Variants in MGMT observed in about 807,000 individuals in gnomAD.
MGMT encodes methylated-DNA--protein-cysteine methyltransferase.
Under a neutral mutation model 15.9 loss-of-function variants are expected in MGMT, and 14 were observed. That is an observed-to-expected ratio of 0.88 (90% CI 0.58 to 1.37). MGMT has a LOEUF of 1.37. Among genes scored for constraint, MGMT ranks in the 40% most tolerant of loss-of-function variants. The pLI, the probability that MGMT is intolerant of heterozygous loss-of-function variation, is 0.00. For synonymous variants in MGMT, 130 were observed against 118.2 expected (o/e 1.10, Z -0.65); for missense variants, 282 against 268.1 (o/e 1.05, Z -0.36).
intron 1 of MGMT, among the ~76,000 whole-genome samples, chr10:129,519,695 C>G (rs1030531862): frequency 6.6e-6 from 1 of 152,156 alleles, no homozygotes; most frequent in African/African-American, 2.4e-5. Context: ...GAATTCTTCC[C>G]TGCAGAAATT....
Position 129,625,019 on chromosome 10 carries a change from C to A in MGMT, c.126-82876C>A, listed in dbSNP as rs543040194. On this transcript the variant is annotated intron_variant, in intron 2 of 4. Transcript: ENST00000651593. ...GAGTCGTAAAAATTTTCAAAATTCC[C>A]AGCCAAACCTGATGAAGAAAAATGA... is the stretch of plus-strand genomic sequence containing the variant. 2.4e-3 allele frequency among the ~76,000 whole-genome samples: 370 copies of A among 152,102 alleles called. 1 individual carries two copies. Among genetic ancestry groups the A allele is most frequent in the African/African-American group, 8.5e-3 (354 of 41,474 alleles).
chr10:129,477,738 T>C (rs898009007), intron 1 of MGMT, among the ~76,000 whole-genome samples: 7 of 152,178 alleles, frequency 4.6e-5, no homozygotes, highest in African/African-American at 1.7e-4. Context: ...AAATGTCTGT[T>C]GGTTAAGCCC....
At chr10:129,483,648 T>TC (rs1332629612) in intron 1 of MGMT, among the ~76,000 whole-genome samples, 1 of 152,182 alleles carries the variant, frequency 6.6e-6, no homozygotes, top group African/African-American at 2.4e-5. Context: ...TTCTTCTGTA[T>TC]GTAATCTGGC....
intron 1 of MGMT, among the ~76,000 whole-genome samples, chr10:129,501,812 G>A (rs1415657373): frequency 6.6e-6 from 1 of 152,224 alleles, no homozygotes; most frequent in Non-Finnish European, 1.5e-5. Context: ...GACCAGGGAG[G>A]CAGGGCTCAC....
At chr10:129,608,359 G>A (rs925385887) in intron 2 of MGMT, among the ~76,000 whole-genome samples, 1 of 152,246 alleles carries the variant, frequency 6.6e-6, no homozygotes, top group African/African-American at 2.4e-5. Context: ...GAGGAACTCC[G>A]GGTTTGCGCC....
intron 1 of MGMT, among the ~76,000 whole-genome samples, chr10:129,469,983 A>G (rs1414921220): frequency 1.3e-5 from 2 of 152,210 alleles, no homozygotes; most frequent in Admixed American, 6.5e-5. Flanking sequence ...AAGTGCTGGA[A>G]TTATAGGCAT....
chr10:129,703,410 C>T (rs1222143833), intron 2 of MGMT, among the ~76,000 whole-genome samples: 1 of 152,190 alleles, frequency 6.6e-6, no homozygotes, highest in Non-Finnish European at 1.5e-5. Flanking sequence ...GGAATCCTAA[C>T]TCTGGAGTCT....
chr10:129,692,350 G>A (rs560035109), intron 2 of MGMT, among the ~76,000 whole-genome samples: 1 of 152,118 alleles, frequency 6.6e-6, no homozygotes, highest in East Asian at 1.9e-4. Context: ...CCAGACCAGG[G>A]GCCTATCAGG....
rs1458426099 is a variant in MGMT, at chr10:129,512,637, T to TA, written c.-12-23603dup. Among the ~76,000 whole-genome samples, 11 of 152,218 alleles carry TA rather than the reference T, an allele frequency of 7.2e-5. No homozygotes were observed. The South Asian group carries it at 1.9e-3, about 26-fold the overall frequency. ...ACCATCAATGTCACTAAACAACTCT[T>TA]ACTATTAAGTGTTTCTGAGTTGAGT... On this transcript the variant is annotated intron_variant, in intron 1 of 4. Coordinates refer to ENST00000651593, the MANE Select transcript of MGMT (RefSeq NM_002412.5).
rs547599639 is a variant in MGMT at position 129,581,107 on chromosome 10, G to A, written c.125+44730G>A. On this transcript the variant is annotated intron_variant, in intron 2 of 4. Coordinates refer to ENST00000651593, the MANE Select transcript of MGMT (RefSeq NM_002412.5). ...AAGATAAGAAAGGGGAAACAGCTGC[G>A]TTGGTGGATAATTGTTAACGGTGCA... is the stretch of plus-strand genomic sequence containing the variant. Among the ~76,000 whole-genome samples, 5 of 152,350 alleles carry A rather than the reference G, an allele frequency of 3.3e-5. No homozygotes were observed. In the South Asian group the frequency reaches 8.3e-4, roughly 25 times the overall value.
intron 2 of MGMT, among the ~76,000 whole-genome samples, chr10:129,544,380 G>C (rs1291255287): frequency 6.6e-6 from 1 of 152,224 alleles, no homozygotes; most frequent in Non-Finnish European, 1.5e-5. Context: ...GGTATTTCCA[G>C]GTTGTCTTCA....
intron 2 of MGMT, among the ~76,000 whole-genome samples, chr10:129,540,014 A>AGT (rs1216340991): frequency 2.0e-5 from 3 of 151,980 alleles, no homozygotes; most frequent in African/African-American, 7.3e-5. Flanking sequence ...TTGATACTGA[A>AGT]GTGTTCAGTT....
Position 129,578,154 on chromosome 10 carries a change from A to G in MGMT, c.125+41777A>G, listed in dbSNP as rs1043079536. ...TCCTCAAGGATCTAGAACTAGAAATACCATTTGACCCAGCCATCCTATTAC... is the reference window on the plus strand; with the variant it reads ...TCCTCAAGGATCTAGAACTAGAAATGCCATTTGACCCAGCCATCCTATTAC... On this transcript the variant is annotated intron_variant, in intron 2 of 4. Transcript: ENST00000651593. Among the ~76,000 whole-genome samples the G allele has an allele frequency of 2.0e-5, 3 of 152,318 alleles. No individual in the cohort carries two copies. In the East Asian group the frequency reaches 5.8e-4, roughly 29 times the overall value.
chr10:129,689,044 C>T (rs923307427), intron 2 of MGMT, among the ~76,000 whole-genome samples: 2 of 152,124 alleles, frequency 1.3e-5, no homozygotes, highest in African/African-American at 4.8e-5. Context: ...TCACTGCAAC[C>T]TCAGCCTCCT....
intron 4 of MGMT, among the ~76,000 whole-genome samples, chr10:129,766,186 C>A (rs1848932075): frequency 6.6e-6 from 1 of 152,210 alleles, no homozygotes; most frequent in African/African-American, 2.4e-5. Context: ...GTCCTCCTGT[C>A]AAGGGCCAGA....
intron 2 of MGMT, among the ~76,000 whole-genome samples, chr10:129,655,686 T>C (rs1045359407): frequency 4.6e-5 from 7 of 152,156 alleles, no homozygotes; most frequent in Non-Finnish European, 7.3e-5. Flanking sequence ...AATCACTGTT[T>C]AACAGTGAAG....
chr10:129,742,838 C>T (rs1848650967), intron 3 of MGMT, among the ~76,000 whole-genome samples: 1 of 151,140 alleles, frequency 6.6e-6, no homozygotes, highest in South Asian at 2.1e-4. Context: ...CCGGGGCGTT[C>T]AGCAGTGCCG....
intron 1 of MGMT, among the ~76,000 whole-genome samples, chr10:129,478,536 A>G (rs529442413): frequency 9.2e-5 from 14 of 152,390 alleles, no homozygotes; most frequent in Admixed American, 2.6e-4. Context: ...TGTCTAACTC[A>G]CCAATTCATG....
intron 1 of MGMT, among the ~76,000 whole-genome samples, chr10:129,481,062 T>C (rs780197105): frequency 6.6e-6 from 1 of 152,236 alleles, no homozygotes; most frequent in African/African-American, 2.4e-5. Flanking sequence ...GAAGTGAACC[T>C]GCCTGTTGCC....
Sources: allele counts gnomAD v4.1 joint callset (sites outside exome capture counted in the v4.1 genomes callset), GRCh38; gene constraint gnomAD v4.1.1; transcripts MANE v1.5; gene names NCBI Gene and HGNC (gene_info 2026-07-23, HGNC 2026-07-21).